Variants in OTUD7A observed in about 807,000 individuals in gnomAD.
The protein encoded by OTUD7A is OTU deubiquitinase 7A.
Under a neutral mutation model 65.7 loss-of-function variants are expected in OTUD7A, and 12 were observed. The observed-to-expected ratio is 0.18, with a 90% CI of 0.12 to 0.30. The LOEUF is 0.30. Among genes scored for constraint, OTUD7A ranks in the 10% least tolerant of loss-of-function variants. The pLI, the probability that OTUD7A is intolerant of heterozygous loss-of-function variation, is 1.00. For missense variants in OTUD7A, 1,148 were observed against 1,304.8 expected (o/e 0.88, Z 1.85); for synonymous variants, 641 against 586.3 (o/e 1.09, Z -1.35).
intron 5 of OTUD7A, among the ~76,000 whole-genome samples, chr15:31,553,618 T>A (rs547235429): frequency 6.6e-6 from 1 of 151,852 alleles, no homozygotes; most frequent in East Asian, 1.9e-4. Context: ...TCAGGCAACA[T>A]TATCTACCCC....
At chr15:31,711,115 T>C (rs1257091720) in intron 1 of OTUD7A, among the ~76,000 whole-genome samples, 1 of 149,958 alleles carries the variant, frequency 6.7e-6, no homozygotes, top group African/African-American at 2.4e-5. Context: ...CAAATAGAGT[T>C]GAAGTGTTCA....
chr15:31,664,958 A>C (rs1011686230), intron 1 of OTUD7A, among the ~76,000 whole-genome samples: 1 of 152,200 alleles, frequency 6.6e-6, no homozygotes, highest in Non-Finnish European at 1.5e-5. Flanking sequence ...GTCAAAGATC[A>C]GTTGGCTGTA....
At chr15:31,752,336 G>C (rs1490078519) in intron 1 of OTUD7A, among the ~76,000 whole-genome samples, 1 of 152,188 alleles carries the variant, frequency 6.6e-6, no homozygotes, top group Non-Finnish European at 1.5e-5. Context: ...TCCTCATAGA[G>C]AAATGTAGTT....
chr15:31,755,221 G>C (rs1894777921), intron 1 of OTUD7A, among the ~76,000 whole-genome samples: 1 of 151,924 alleles, frequency 6.6e-6, no homozygotes, highest in African/African-American at 2.4e-5. Flanking sequence ...GGGAAAGTGA[G>C]GAAGTATTAA....
chr15:31,568,754 T>C (rs1417648352), intron 4 of OTUD7A, among the ~76,000 whole-genome samples: 1 of 152,226 alleles, frequency 6.6e-6, no homozygotes, highest in South Asian at 2.1e-4. Flanking sequence ...TGGTGATAAG[T>C]GAGCTCTCAT....
chr15:31,798,986 C>A (rs372021817), intron 1 of OTUD7A, among the ~76,000 whole-genome samples: 1 of 152,204 alleles, frequency 6.6e-6, no homozygotes, highest in Non-Finnish European at 1.5e-5. Context: ...GGGTCACAGG[C>A]CTTCAAGGAG....
intron 1 of OTUD7A, among the ~76,000 whole-genome samples, chr15:31,755,594 C>T (rs991206788): frequency 6.6e-6 from 1 of 151,938 alleles, no homozygotes; most frequent in Non-Finnish European, 1.5e-5. Context: ...TGCTGGCGGG[C>T]GCCTGTAGTC....
intron 1 of OTUD7A, among the ~76,000 whole-genome samples, chr15:31,722,236 C>T (rs1021732860): frequency 2.0e-5 from 3 of 152,168 alleles, no homozygotes; most frequent in Non-Finnish European, 4.4e-5. Flanking sequence ...GGTATGGACA[C>T]AGTCAGTCCC....
chr15:31,659,638 C>G (rs1595691780), intron 1 of OTUD7A, among the ~76,000 whole-genome samples: 1 of 145,716 alleles, frequency 6.9e-6, no homozygotes, highest in Non-Finnish European at 1.5e-5. Flanking sequence ...GCAGGGCTGC[C>G]AGGCCCTGGC....
intron 1 of OTUD7A, chr15:31,689,232 A>G (rs1892909274): frequency 6.8e-6 from 1 of 147,536 alleles, no homozygotes; most frequent in Admixed American, 6.8e-5. Flanking sequence ...TGAACCTTAC[A>G]CTTTATCTGG....
intron 1 of OTUD7A, among the ~76,000 whole-genome samples, chr15:31,816,235 T>C (rs1238475765): frequency 6.6e-6 from 1 of 152,144 alleles, no homozygotes; most frequent in Admixed American, 6.5e-5. Flanking sequence ...GGCCCACAGG[T>C]ACACATGCAA....
intron 1 of OTUD7A, among the ~76,000 whole-genome samples, chr15:31,839,959 T>TTG (rs201479730): frequency 1.6e-4 from 25 of 151,684 alleles, no homozygotes; most frequent in African/African-American, 5.6e-4. Context: ...AAAACTTTTT[T>TTG]TTGTTTATGT....
Position 31,483,437 on chromosome 15 carries a change from G to C in OTUD7A, c.2659C>G (p.Arg887Gly). ...CGCTGCACCGGCCCCGGGCCGCCAC[G>C]GCCGCACTCACCGTTCGAGCGCGCG... ...PTARSNGECG[R>G]GGPGPVQRRC... The change falls in exon 13 of 13, where the codon CGT becomes GGT. Residue 887 changes from arginine to glycine, a missense_variant. By Grantham distance (125) the Arg-to-Gly change is moderately radical. Around this residue, in one of 6 missense-constraint regions of OTUD7A, gnomAD observed 842 missense variants for 769.5 expected, o/e 1.09. Coordinates refer to ENST00000307050, the MANE Select transcript of OTUD7A (RefSeq NM_001382637.1). 1.4e-6 allele frequency: 2 copies of C among 1,383,430 alleles called. No individual in the cohort carries two copies. The highest frequency in any genetic ancestry group is 1.9e-6 in the Non-Finnish European group (2 of 1,069,156). The allele number at this position is 1,383,430 out of a possible 1,614,324, so 85.7% of individuals were successfully genotyped here. A position where few individuals can be genotyped will look rare whatever the true frequency, so the allele number is the denominator to read the frequency against.
intron 1 of OTUD7A, among the ~76,000 whole-genome samples, chr15:31,789,368 C>T (rs1409467628): frequency 1.3e-5 from 2 of 152,160 alleles, no homozygotes; most frequent in Non-Finnish European, 2.9e-5. Flanking sequence ...TGAAAGTAAT[C>T]CCCCAAATTT....
intron 9 of OTUD7A, among the ~76,000 whole-genome samples, chr15:31,503,348 G>A (rs2041502021): frequency 6.6e-6 from 1 of 152,232 alleles, no homozygotes; most frequent in Non-Finnish European, 1.5e-5. Context: ...ACACACCTGA[G>A]TGACTGAGTG....
At chr15:31,570,442 T>TACACACACAC (rs57517466) in intron 3 of OTUD7A, among the ~76,000 whole-genome samples, 25 of 143,218 alleles carry the variant, frequency 1.7e-4, no homozygotes, top group Admixed American at 4.8e-4. Flanking sequence ...TTTAGGTTCA[T>TACACACACAC]ACACACACAC....
intron 1 of OTUD7A, among the ~76,000 whole-genome samples, chr15:31,745,425 C>A (rs57008877): frequency 0.017 from 2,572 of 152,186 alleles, 80 homozygotes; most frequent in African/African-American, 0.059. Context: ...ACAACCATGA[C>A]AAGGTAATTC....
rs1169874349 is a variant in OTUD7A, at chr15:31,484,665, C to G, written c.1431G>C (p.Leu477=). The stretch of plus-strand genomic sequence containing the variant: ...CGCGGTCCGAGTCCAGCGAGTCGGC[C>G]AGGGACTGCACGTCCTCCCCTGCCG... The part of the protein sequence containing the change: ...TASAGEDVQS[L]ADSLDSDRDS... The change falls in exon 13 of 13, where the codon CTG becomes CTC. Residue 477 remains leucine (L), a synonymous_variant. Coordinates refer to ENST00000307050, the MANE Select transcript of OTUD7A (RefSeq NM_001382637.1). This position sits in a 1 kb window ranked among gnomAD's most constrained non-coding sequence, Gnocchi z 4.5. The G allele has an allele frequency of 1.3e-6, 2 of 1,582,530 alleles. No homozygotes were observed. The highest frequency in any genetic ancestry group is 2.7e-5 in the African/African-American group (2 of 74,698).
At position 31,484,488 on chromosome 15, in the gene OTUD7A, C is replaced by T. The variant is rs1345272279; in HGVS notation, c.1608G>A (p.Lys536=). Residue 536 remains lysine (K), a synonymous_variant, in exon 13 of 13, where the codon AAG becomes AAA. Coordinates refer to ENST00000307050, the MANE Select transcript of OTUD7A (RefSeq NM_001382637.1). The surrounding 1 kb of genome is among the most constrained non-coding windows in gnomAD (Gnocchi z 4.5). ...GGCCGCCGAGGCCGCCCATGTTTTT[C>T]TTCAGCTTGATGCCCAGCGTCTTGC... ...SFSKTLGIKL[K]KNMGGLGGLV... The T allele has an allele frequency of 2.1e-5, 34 of 1,608,328 alleles. No homozygotes were observed. The highest frequency in any genetic ancestry group is 2.5e-5 in the Non-Finnish European group (29 of 1,179,970).
Sources: allele counts gnomAD v4.1 joint callset (sites outside exome capture counted in the v4.1 genomes callset), GRCh38; gene constraint gnomAD v4.1.1; regional missense constraint gnomAD v4.1.1; non-coding constraint Gnocchi (gnomAD v3.1); transcripts MANE v1.5; gene names NCBI Gene and HGNC (gene_info 2026-07-23, HGNC 2026-07-21).